Variants in NBEAL2 observed in about 807,000 individuals in gnomAD.
The protein encoded by NBEAL2 is neurobeachin like 2, also known as neurobeachin-like protein 2.
A neutral mutation model predicts 299.8 loss-of-function variants in NBEAL2; 160 were observed. That is an observed-to-expected ratio of 0.53 (90% confidence interval 0.47 to 0.61). The LOEUF (loss-of-function observed/expected upper bound fraction) is 0.61. Ranked by LOEUF, NBEAL2 falls within the 20% of genes least tolerant of loss-of-function variation. NBEAL2 has a pLI of 0.00. For missense variants in NBEAL2, 3,112 were observed against 3,649.0 expected, an observed-to-expected ratio of 0.85 and a Z score of 3.79; for synonymous variants, 1,493 against 1,542.3, an observed-to-expected ratio of 0.97 and a Z score of 0.75.
chr3:47,008,885 A>T (rs1575633343), intron 52 of NBEAL2, 104 bp from the exon 53 acceptor site: 1 of 1,525,844 alleles, frequency 6.6e-7, no homozygotes, highest in Non-Finnish European at 8.9e-7. Flanking sequence ...CAATTTAACC[A>T]TCCTTAAAAT....
Position 47,000,339 on chromosome 3 carries a change from G to C in NBEAL2, c.4240G>C (p.Glu1414Gln). Residue 1414 changes from glutamate (E) to glutamine (Q), a missense_variant, in exon 27 of 54, where the codon GAG becomes CAG. Coordinates refer to ENST00000450053, the MANE Select transcript of NBEAL2 (RefSeq NM_015175.3). The surrounding 1 kb of genome is among the most constrained non-coding windows in gnomAD (Gnocchi z 4.5). ...CAGCTCCAGTCTCTCCAATGTGCTG[G>C]AGGACGGCAGCCTCCCGGAGCCCAC... Reference protein sequence around the residue: ...RHSSSLSNVLEDGSLPEPTIS... With the variant: ...RHSSSLSNVLQDGSLPEPTIS... 1 of 1,604,522 alleles carries C rather than the reference G, an allele frequency of 6.2e-7. No individual in the cohort carries two copies. The highest frequency in any genetic ancestry group is 8.5e-7 in the Non-Finnish European group (1 of 1,173,402).
chr3:46,980,755 C>A (rs929876425), intron 1 of NBEAL2, among the ~76,000 whole-genome samples: 2 of 152,156 alleles, frequency 1.3e-5, no homozygotes, highest in African/African-American at 4.8e-5. Context: ...CACACCGTCT[C>A]ACACACATAG....
chr3:46,987,968 C>T (rs903486215), intron 1 of NBEAL2: 62 of 1,272,508 alleles, frequency 4.9e-5, no homozygotes, highest in African/African-American at 2.3e-4. Context: ...AGCCCCGGGG[C>T]GGGAGGAGAC....
intron 40 of NBEAL2, 71 bp from the exon 41 acceptor site, chr3:47,005,418 C>T (rs77857143): frequency 1.3e-6 from 2 of 1,579,436 alleles, no homozygotes; most frequent in Non-Finnish European, 1.7e-6. Context: ...CCCTTCTTCC[C>T]TCCAGCCACA....
At position 46,995,124 on chromosome 3, in the gene NBEAL2, C is replaced by T; in HGVS notation, c.1389C>T (p.Pro463=). 2.5e-6 allele frequency: 4 copies of T among 1,574,846 alleles called. No individual in the cohort carries two copies. The highest frequency in any genetic ancestry group is 3.4e-6 in the Non-Finnish European group (4 of 1,160,384). ...LVLAQWLPSL[P]TAELRLFLAQ... is the part of the protein sequence containing the mutation. ...TGGCGCAGTGGCTGCCGTCATTGCC[C>T]ACCGCTGAGCTGCGGCTCTTCCTAG... Residue 463 remains proline, a synonymous_variant, in exon 13 of 54, where the codon CCC becomes CCT. Coordinates refer to ENST00000450053, the MANE Select transcript of NBEAL2 (RefSeq NM_015175.3).
In NBEAL2 at chr3:46,991,300, G is replaced by A; in HGVS notation, c.638G>A (p.Gly213Glu). 10 of 1,601,510 alleles carry A rather than the reference G, an allele frequency of 6.2e-6. No individual in the cohort carries two copies. Among genetic ancestry groups the A allele is most frequent in the Non-Finnish European group, 8.5e-6 (10 of 1,173,798 alleles). Residue 213 changes from glycine to glutamate, a missense_variant, in exon 7 of 54, where the codon GGA becomes GAA. By Grantham distance (98) the Gly-to-Glu change is moderately conservative (BLOSUM62 -2). Around this residue, in one of 3 missense-constraint regions of NBEAL2, gnomAD observed 2,243 missense variants for 2,538.1 expected, o/e 0.88. Coordinates refer to ENST00000450053, the MANE Select transcript of NBEAL2 (RefSeq NM_015175.3). This position sits in a 1 kb window ranked among gnomAD's most constrained non-coding sequence, Gnocchi z 6.2. ...CTCTTCTGCGCCGTCCTCGCTGGAG[G>A]AAAGGTAGGCTGGGAGGTGAGCCTG... ...IHLFCAVLAG[G>E]KENGQMAVSD...
chr3:46,991,517 G>A lies in NBEAL2; in HGVS notation c.754G>A (p.Glu252Lys). The change falls in exon 8 of 54, where the codon GAG (glutamate) becomes AAG (lysine). Residue 252 changes from glutamate to lysine, a missense_variant. Physicochemically the swap from Glu to Lys is moderately conservative, Grantham distance 56. This residue lies in a region of NBEAL2 where 2,243 missense variants were observed against 2,538.1 expected (regional missense o/e 0.88). Transcript: ENST00000450053. The surrounding 1 kb of genome is among the most constrained non-coding windows in gnomAD (Gnocchi z 6.2). ...PDPCLVPLALEALVGAVHVLH... is the reference protein window; with the variant it reads ...PDPCLVPLALKALVGAVHVLH... ...CCCGTGCCTAGTGCCACTGGCTCTA[G>A]AGGCACTGGTAGGTGCAGTCCATGT... 6.2e-7 allele frequency: 1 copy of A among 1,611,066 alleles called. No individual in the cohort carries two copies.
chr3:47,009,548 T>G lies in NBEAL2; in HGVS notation c.*228T>G, dbSNP rs2037748077. 3.6e-6 allele frequency: 2 copies of G among 562,210 alleles called. No individual in the cohort carries two copies. The highest frequency in any genetic ancestry group is 6.5e-5 in the Admixed American group (2 of 30,594). The allele number at this position is 562,210 out of a possible 1,614,324, so 34.8% of individuals were successfully genotyped here. A position where few individuals can be genotyped will look rare whatever the true frequency, so the allele number is the denominator to read the frequency against. ...CGCCCTGAGGGCCAGCACTGGCGTC[T>G]GCGGCCGCAGCAGCACTTTTTGCAC... On this transcript the variant is annotated 3_prime_UTR_variant, in exon 54 of 54. Transcript: ENST00000450053.
At position 47,003,114 on chromosome 3, in the gene NBEAL2, CTCGATTG is replaced by C. The variant is rs1410198404; in HGVS notation, c.5584+36_5584+42del. On this transcript the variant is annotated intron_variant, in intron 34 of 53. Transcript: ENST00000450053. The surrounding 1 kb of genome is among the most constrained non-coding windows in gnomAD (Gnocchi z 7.0). The stretch of plus-strand genomic sequence containing the variant: ...AGTGTGCTGAGATGGGTCCACCCAA[CTCGATTG>C]TCCCGTCTCCTGTCCTGCCTTGCTT... The C allele has an allele frequency of 1.2e-6, 2 of 1,610,942 alleles. No individual in the cohort carries two copies. Among genetic ancestry groups the C allele is most frequent in the Middle Eastern group, 3.3e-4 (2 of 6,052 alleles).
At position 47,002,679 on chromosome 3, in the gene NBEAL2, G is replaced by A. The variant is rs1393928806; in HGVS notation, c.5336G>A (p.Arg1779His). The A allele has an allele frequency of 6.2e-6, 10 of 1,605,922 alleles. No individual in the cohort carries two copies. Among genetic ancestry groups the A allele is most frequent in the Admixed American group, 1.7e-5 (1 of 59,062 alleles). ...CTGGAACCTGCGCAGAGGCGGGCGC[G>A]CCTGGAGGGGCTACGCTACACGGCA... ...LVLEPAQRRA[R>H]LEGLRYTAVL... The change falls in exon 33 of 54, where the codon CGC becomes CAC. Residue 1779 changes from arginine (R) to histidine (H), a missense_variant. Around this residue, in one of 3 missense-constraint regions of NBEAL2, gnomAD observed 2,243 missense variants for 2,538.1 expected, o/e 0.88. Transcript: ENST00000450053.
chr3:46,996,220 A>G, intron 15 of NBEAL2, 51 bp from the exon 16 acceptor site: 1 of 1,595,804 alleles, frequency 6.3e-7, no homozygotes, highest in Non-Finnish European at 8.5e-7. Flanking sequence ...TTGTAGGCGG[A>G]GCCCCAGGTT....
rs4282092 is a variant in NBEAL2 at position 46,989,747 on chromosome 3, C to G, written c.556+154C>G. 0.95 allele frequency among the ~76,000 whole-genome samples: 144,801 copies of G among 152,070 alleles called. 69,383 individuals are homozygous for G. The highest frequency in any genetic ancestry group is 1 in the East Asian group (5,131 of 5,132). On this transcript the variant is annotated intron_variant, in intron 6 of 53. Coordinates refer to ENST00000450053, the MANE Select transcript of NBEAL2 (RefSeq NM_015175.3). The surrounding 1 kb of genome is among the most constrained non-coding windows in gnomAD (Gnocchi z 5.5). ...CCAAGCAAGAGTTTAGGGACAGAGACAAGAGAAGACATCTTGGGCTGGAGC... is the reference window on the plus strand; with the variant it reads ...CCAAGCAAGAGTTTAGGGACAGAGAGAAGAGAAGACATCTTGGGCTGGAGC...
At position 46,996,695 on chromosome 3, in the gene NBEAL2, G is replaced by A. The variant is rs1049391627; in HGVS notation, c.2474-56G>A. 6 of 1,578,420 alleles carry A rather than the reference G, an allele frequency of 3.8e-6. No individual in the cohort carries two copies. The South Asian group carries it at 6.8e-5, about 18-fold the overall frequency. ...TCTCTCCTGTGGTCAGGCAGTCTCT[G>A]GATGGGGTTTGGCCAGAGGCCTAGC... On this transcript the variant is annotated intron_variant, in intron 16 of 53. Transcript: ENST00000450053.
chr3:47,000,444 G>A lies in NBEAL2; in HGVS notation c.4305+40G>A. On this transcript the variant is annotated intron_variant, in intron 27 of 53. Transcript: ENST00000450053. The surrounding 1 kb of genome is among the most constrained non-coding windows in gnomAD (Gnocchi z 4.5). ...CCCTCTGCCACTGCATGGTACCCAA[G>A]GGAGGACACTTCTGGTACACAGGGC... 1 of 1,541,616 alleles carries A rather than the reference G, an allele frequency of 6.5e-7. No individual in the cohort carries two copies. The highest frequency in any genetic ancestry group is 8.7e-7 in the Non-Finnish European group (1 of 1,143,120).
intron 1 of NBEAL2, among the ~76,000 whole-genome samples, chr3:46,986,111 A>G (rs545781510): frequency 1.3e-5 from 2 of 152,276 alleles, no homozygotes; most frequent in African/African-American, 4.8e-5. Context: ...ACCCCTGCCT[A>G]ATACTGTGCT....
At chr3:46,994,418 G>A in intron 11 of NBEAL2, 37 bp from the exon 12 acceptor site, 2 of 1,543,478 alleles carry the variant, frequency 1.3e-6, no homozygotes, top group South Asian at 2.4e-5. Context: ...TCCGGCCCAT[G>A]TATGTGTTCA....
At position 46,997,697 on chromosome 3, in the gene NBEAL2, G is replaced by A. The variant is rs901826862; in HGVS notation, c.2958+3G>A. ...TCATCGGGGCCCTCCTGCGAAAGGT[G>A]GGGCCCGGTGGGACAGGCATGGGGG... On this transcript the variant is annotated splice_donor_region_variant and intron_variant, in intron 20 of 53. Coordinates refer to ENST00000450053, the MANE Select transcript of NBEAL2 (RefSeq NM_015175.3). 9.9e-6 allele frequency: 15 copies of A among 1,514,566 alleles called. No homozygotes were observed. Among genetic ancestry groups the A allele is most frequent in the Non-Finnish European group, 1.3e-5 (15 of 1,128,480 alleles). The allele number at this position is 1,514,566 out of a possible 1,614,324, so 93.8% of individuals were successfully genotyped here. A position where few individuals can be genotyped will look rare whatever the true frequency, so the allele number is the denominator to read the frequency against.
chr3:47,002,047 C>T lies in NBEAL2; in HGVS notation c.4910C>T (p.Ser1637Phe), dbSNP rs1388110580. 1.3e-6 allele frequency: 2 copies of T among 1,558,486 alleles called. No homozygotes were observed. Among genetic ancestry groups the T allele is most frequent in the South Asian group, 1.2e-5 (1 of 85,552 alleles). The change falls in exon 31 of 54, where the codon TCC (serine) becomes TTC (phenylalanine). Residue 1637 changes from serine (S) to phenylalanine (F), a missense_variant. Ser to Phe is a radical substitution (Grantham distance 155, BLOSUM62 -2). Transcript: ENST00000450053. ...CTGGGGCGGGTGCTGAACACCTCTT[C>T]CTTGGAGTCAGCCACTGATGAGGCA... is the stretch of plus-strand genomic sequence containing the variant. Reference protein sequence around the residue: ...AALGRVLNTSSLESATDEAGS... With the variant: ...AALGRVLNTSFLESATDEAGS...
Position 47,007,807 on chromosome 3 carries a change from C to T in NBEAL2, c.7508-9C>T, listed in dbSNP as rs1402267755. 3.1e-6 allele frequency: 5 copies of T among 1,612,528 alleles called. No individual in the cohort carries two copies. Among genetic ancestry groups the T allele is most frequent in the Non-Finnish European group, 4.2e-6 (5 of 1,179,278 alleles). On this transcript the variant is annotated splice_polypyrimidine_tract_variant and intron_variant, in intron 48 of 53. Transcript: ENST00000450053. ...TCCGTTCTGCCTGTACCCTCCCCTT[C>T]CCATGCAGATGTAGTAACCTGCCTT...
Sources: gnomAD v4.1 joint callset for allele counts (sites outside exome capture counted in the v4.1 genomes callset) on GRCh38, gnomAD v4.1.1 for gene constraint, gnomAD v4.1.1 regional missense constraint, Gnocchi (gnomAD v3.1) non-coding constraint, MANE v1.5 for transcripts, NCBI Gene and HGNC (gene_info 2026-07-23, HGNC 2026-07-21) for gene names.